DSCAM: variants seen among roughly 807,000 people sequenced by gnomAD.
DSCAM encodes DS cell adhesion molecule.
DSCAM carries 47 observed loss-of-function variants against 217.7 expected under a neutral mutation model. The observed-to-expected ratio is 0.22, with a 90% CI of 0.17 to 0.28. The LOEUF is 0.28. Among genes scored for constraint, DSCAM ranks in the 10% least tolerant of loss-of-function variants. DSCAM has a pLI of 1.00. For synonymous variants in DSCAM, 1,056 were observed against 1,015.3 expected, an observed-to-expected ratio of 1.04 and a Z score of -0.76; for missense variants, 2,080 against 2,618.3, an observed-to-expected ratio of 0.79 and a Z score of 4.49.
At chr21:40,649,337 G>A (rs2089986949) in intron 3 of DSCAM, among the ~76,000 whole-genome samples, 1 of 152,046 alleles carries the variant, frequency 6.6e-6, no homozygotes, top group African/African-American at 2.4e-5. Context: ...CATCCCACCT[G>A]GAACCTCCAC....
intron 3 of DSCAM, among the ~76,000 whole-genome samples, chr21:40,587,349 T>A (rs1230164233): frequency 6.6e-6 from 1 of 152,222 alleles, no homozygotes; most frequent in East Asian, 1.9e-4. Context: ...ACAATGCTAA[T>A]CCACACACTG....
intron 3 of DSCAM, among the ~76,000 whole-genome samples, chr21:40,662,082 G>C (rs546805729): frequency 1.3e-5 from 2 of 152,062 alleles, no homozygotes; most frequent in Admixed American, 1.3e-4. Flanking sequence ...TGTAATTACA[G>C]AGGTTACCTG....
chr21:40,316,274 G>T (rs1397629092), intron 8 of DSCAM, among the ~76,000 whole-genome samples: 2 of 152,136 alleles, frequency 1.3e-5, no homozygotes, highest in Non-Finnish European at 2.9e-5. Context: ...AGGTCAGTAT[G>T]CACATTACAT....
intron 15 of DSCAM, among the ~76,000 whole-genome samples, chr21:40,174,268 G>T (rs1265091534): frequency 6.6e-6 from 1 of 152,142 alleles, no homozygotes; most frequent in Non-Finnish European, 1.5e-5. Context: ...GTATTAAAGT[G>T]GTATGATAAC....
rs2146409659 is a variant in DSCAM at position 40,016,165 on chromosome 21, G to A, written c.5687-2779C>T. Among the ~76,000 whole-genome samples, 1 of 152,296 alleles carries A rather than the reference G, an allele frequency of 6.6e-6. No individual in the cohort carries two copies. The highest frequency in any genetic ancestry group is 3.4e-3 in the Middle Eastern group (1 of 294). On this transcript the variant is annotated intron_variant, in intron 32 of 32. Coordinates refer to ENST00000400454, the MANE Select transcript of DSCAM (RefSeq NM_001389.5). The surrounding 1 kb of genome is among the most constrained non-coding windows in gnomAD (Gnocchi z 4.3). ...GTGCAGGGAGAGAGATATGATGATG[G>A]TCTGAGCTCAGGAGCAGCTGTGGGA...
chr21:40,336,153 G>T (rs1369247323), intron 8 of DSCAM, among the ~76,000 whole-genome samples: 1 of 152,164 alleles, frequency 6.6e-6, no homozygotes, highest in Non-Finnish European at 1.5e-5. Context: ...CTATTTTCAA[G>T]CAGAGTATGT....
chr21:40,393,983 T>C (rs1323947623), intron 3 of DSCAM, among the ~76,000 whole-genome samples: 1 of 152,236 alleles, frequency 6.6e-6, no homozygotes, highest in African/African-American at 2.4e-5. Flanking sequence ...CAAATAGATA[T>C]TTTTCTGCAT....
intron 8 of DSCAM, among the ~76,000 whole-genome samples, chr21:40,337,669 T>A (rs1021271687): frequency 2.6e-5 from 4 of 152,328 alleles, no homozygotes; most frequent in Admixed American, 2.6e-4. Flanking sequence ...GACCTGCTCA[T>A]CTACAGAAGA....
chr21:40,474,876 C>G (rs1375822339), intron 3 of DSCAM, among the ~76,000 whole-genome samples: 2 of 152,108 alleles, frequency 1.3e-5, no homozygotes, highest in Admixed American at 1.3e-4. Flanking sequence ...TGCGAGGGAG[C>G]CCTGCTCATT....
rs760768770 is a variant in DSCAM, at chr21:40,144,449, T to C, written c.3259+42A>G. 6.2e-7 allele frequency: 1 copy of C among 1,609,080 alleles called. No individual in the cohort carries two copies. Among genetic ancestry groups the C allele is most frequent in the South Asian group, 1.1e-5 (1 of 90,718 alleles). Reference sequence around the variant, plus strand: ...CCCCGGGGCAGACCCGAGGGAACCTTTGCGGAGGGAAAAGCCACGACCAGG... The same window carrying C: ...CCCCGGGGCAGACCCGAGGGAACCTCTGCGGAGGGAAAAGCCACGACCAGG... On this transcript the variant is annotated intron_variant, in intron 17 of 32. Transcript: ENST00000400454. The surrounding 1 kb of genome is among the most constrained non-coding windows in gnomAD (Gnocchi z 4.8).
intron 20 of DSCAM, among the ~76,000 whole-genome samples, chr21:40,106,540 G>A (rs578170304): frequency 1.3e-5 from 2 of 152,236 alleles, no homozygotes; most frequent in South Asian, 4.1e-4. Flanking sequence ...GTTTCAATAG[G>A]AATGGTACCA....
chr21:40,115,688 C>A (rs1161295452), intron 20 of DSCAM, among the ~76,000 whole-genome samples: 2 of 152,146 alleles, frequency 1.3e-5, no homozygotes, highest in African/African-American at 4.8e-5. Context: ...AAAAGGGATG[C>A]TCATACACTG....
intron 9 of DSCAM, among the ~76,000 whole-genome samples, chr21:40,307,633 C>T (rs951015335): frequency 5.9e-5 from 9 of 152,086 alleles, no homozygotes; most frequent in Non-Finnish European, 8.8e-5. Flanking sequence ...CACATGCACA[C>T]GTATGTTTAT....
intron 18 of DSCAM, among the ~76,000 whole-genome samples, chr21:40,134,301 C>T (rs1731026245): frequency 6.6e-6 from 1 of 152,186 alleles, no homozygotes; most frequent in African/African-American, 2.4e-5. Flanking sequence ...AAGGCCAGCA[C>T]CAGGGCTGCC....
intron 3 of DSCAM, among the ~76,000 whole-genome samples, chr21:40,456,274 A>G (rs2075762735): frequency 6.6e-6 from 1 of 151,980 alleles, no homozygotes; most frequent in Non-Finnish European, 1.5e-5. Flanking sequence ...ACTTTTGTAG[A>G]TAAATTATAA....
chr21:40,282,713 G>A (rs570620603), intron 10 of DSCAM, among the ~76,000 whole-genome samples: 1 of 148,838 alleles, frequency 6.7e-6, no homozygotes, highest in Admixed American at 6.7e-5. Context: ...AAATTTACAT[G>A]AATATCCATG....
At chr21:40,467,443 G>T (rs567899623) in intron 3 of DSCAM, among the ~76,000 whole-genome samples, 47 of 152,278 alleles carry the variant, frequency 3.1e-4, no homozygotes, top group Middle Eastern at 3.4e-3. Context: ...ATTTTGTGTG[G>T]AAAGAATAAG....
rs374379609 is a variant in DSCAM at position 40,175,173 on chromosome 21, G to A, written c.2947+3754C>T. Among the ~76,000 whole-genome samples the A allele has an allele frequency of 4.6e-5, 7 of 152,210 alleles. No homozygotes were observed. In the East Asian group the frequency reaches 7.7e-4, roughly 17 times the overall value. Reference sequence around the variant, plus strand: ...TGCCCAGGCTGGAGTGCAGTGGCACGACCTTGGCTCACTGCAACCTCCGCC... The same window carrying A: ...TGCCCAGGCTGGAGTGCAGTGGCACAACCTTGGCTCACTGCAACCTCCGCC... On this transcript the variant is annotated intron_variant, in intron 15 of 32. Coordinates refer to ENST00000400454, the MANE Select transcript of DSCAM (RefSeq NM_001389.5).
chr21:40,103,436 G>T (rs2089779789), intron 20 of DSCAM, among the ~76,000 whole-genome samples: 1 of 152,024 alleles, frequency 6.6e-6, no homozygotes, highest in Non-Finnish European at 1.5e-5. Context: ...CAAAGAAATG[G>T]CCTGGATTCC....
Sources: allele counts gnomAD v4.1 joint callset (sites outside exome capture counted in the v4.1 genomes callset), GRCh38; gene constraint gnomAD v4.1.1; non-coding constraint Gnocchi (gnomAD v3.1); transcripts MANE v1.5; gene names NCBI Gene and HGNC (gene_info 2026-07-23, HGNC 2026-07-21).